The following PCBP2 variants were observed in gnomAD, a reference collection of about 807,000 sequenced individuals.
PCBP2 encodes poly(rC)-binding protein 2.
In PCBP2, 4 loss-of-function variants were observed where a neutral mutation model predicts 50.1. The ratio of observed to expected loss-of-function variants is 0.08; its 90% CI spans 0.04 to 0.18. PCBP2 has a LOEUF of 0.18. Among genes scored for constraint, PCBP2 ranks in the 10% least tolerant of loss-of-function variants. The pLI is 1.00. For missense variants in PCBP2, 161 were observed against 474.3 expected (o/e 0.34, Z 6.14); for synonymous variants, 179 against 168.0 (o/e 1.07, Z -0.51).
At position 53,481,101 on chromosome 12, in the gene PCBP2, T is replaced by G; in HGVS notation, c.*1659T>G. On this transcript the variant is annotated 3_prime_UTR_variant, in exon 15 of 15. Transcript: ENST00000546463. ...GACAGCCCCATCTTTCTGTTGATTA[T>G]GTGGCGCATATATATATATATATGT... 1 of 600,060 alleles carries G rather than the reference T, an allele frequency of 1.7e-6. No individual in the cohort carries two copies. Among genetic ancestry groups the G allele is most frequent in the Non-Finnish European group, 2.3e-6 (1 of 444,154 alleles). The allele number at this position is 600,060 out of a possible 1,614,324, so 37.2% of individuals were successfully genotyped here.
rs924408576 is a variant in PCBP2 at position 53,459,508 on chromosome 12, G to A, written c.375+105G>A. 5.2e-6 allele frequency: 5 copies of A among 957,160 alleles called. No homozygotes were observed. In the East Asian group the frequency reaches 1.3e-4, roughly 26 times the overall value. The allele number at this position is 957,160 out of a possible 1,614,324, so 59.3% of individuals were successfully genotyped here. A position where few individuals can be genotyped will look rare whatever the true frequency, so the allele number is the denominator to read the frequency against. The stretch of plus-strand genomic sequence containing the variant: ...CAATGAGATGAAGATTTTTATTGAA[G>A]TAACAGTTCTAGAGGATTACAATGT... On this transcript the variant is annotated intron_variant, in intron 6 of 14. Transcript: ENST00000546463.
chr12:53,462,101 A>T (rs1394743063), intron 7 of PCBP2, among the ~76,000 whole-genome samples: 2 of 152,212 alleles, frequency 1.3e-5, no homozygotes, highest in Non-Finnish European at 2.9e-5. Context: ...TAGACATAAC[A>T]CTTGAGTACT....
At chr12:53,477,682 A>C (rs1392163590) in intron 14 of PCBP2, among the ~76,000 whole-genome samples, 4 of 150,394 alleles carry the variant, frequency 2.7e-5, no homozygotes, top group South Asian at 2.1e-4. Context: ...AAAAAAAAAA[A>C]AAAAAAAAAA....
chr12:53,479,532 G>T lies in PCBP2; in HGVS notation c.*90G>T, dbSNP rs1403861883. On this transcript the variant is annotated 3_prime_UTR_variant, in exon 15 of 15. Coordinates refer to ENST00000546463, the MANE Select transcript of PCBP2 (RefSeq NM_031989.5). The stretch of plus-strand genomic sequence containing the variant: ...GTTTCTGAACAGTCAGCGATTCCAG[G>T]TTTTAAATAGTTTGTAAATTTTCAG... 1 of 1,105,004 alleles carries T rather than the reference G, an allele frequency of 9.0e-7. No homozygotes were observed. The highest frequency in any genetic ancestry group is 1.4e-6 in the Non-Finnish European group (1 of 736,294). 68.4% of individuals were successfully genotyped at this position (1,105,004 alleles called of 1,614,324 possible). A position where few individuals can be genotyped will look rare whatever the true frequency, so the allele number is the denominator to read the frequency against.
At chr12:53,459,466 T>C in intron 6 of PCBP2, 63 bp downstream of exon 6, 2 of 1,502,138 alleles carry the variant, frequency 1.3e-6, no homozygotes, top group East Asian at 4.7e-5. Context: ...GCTCTTTGTA[T>C]GGCTAGGAAA....
chr12:53,453,211 T>TG (rs1002957244), intron 1 of PCBP2: 56 of 151,958 alleles, frequency 3.7e-4, no homozygotes, highest in African/African-American at 1.3e-3. Flanking sequence ...TGTTTTGTTT[T>TG]TTTTTTTTTT....
rs1237425728 is a variant in PCBP2, at chr12:53,480,500, C to G, written c.*1058C>G. The G allele has an allele frequency of 6.6e-6, 1 of 152,542 alleles. No individual in the cohort carries two copies. The highest frequency in any genetic ancestry group is 1.5e-5 in the Non-Finnish European group (1 of 68,064). The allele number at this position is 152,542 out of a possible 1,614,324, so 9.4% of individuals were successfully genotyped here. A position where few individuals can be genotyped will look rare whatever the true frequency, so the allele number is the denominator to read the frequency against. On this transcript the variant is annotated 3_prime_UTR_variant, in exon 15 of 15. Transcript: ENST00000546463. ...AGAAAACCCTCAACAGCTGGGCCTG[C>G]ATGGAGTGTTATATTTCAAGGTTTT...
intron 5 of PCBP2, among the ~76,000 whole-genome samples, chr12:53,458,593 C>T (rs559798729): frequency 9.9e-5 from 15 of 151,720 alleles, no homozygotes; most frequent in African/African-American, 2.2e-4. Context: ...AGGCATGAGC[C>T]GCCGTGCCCG....
intron 6 of PCBP2, 56 bp from the exon 7 acceptor site, chr12:53,460,959 A>C (rs557418145): frequency 6.3e-7 from 1 of 1,589,286 alleles, no homozygotes; most frequent in South Asian, 1.1e-5. Flanking sequence ...CTGCTGGAGG[A>C]ATTGGAAGAG....
At chr12:53,462,813 GTTGAA>G (rs1941544493) in intron 8 of PCBP2, among the ~76,000 whole-genome samples, 1 of 152,146 alleles carries the variant, frequency 6.6e-6, no homozygotes. Flanking sequence ...GAATATAAGA[GTTGAA>G]TTGACTTACT....
chr12:53,470,378 C>CAA lies in PCBP2; in HGVS notation c.883-1237_883-1236dup, dbSNP rs754350790. 4.4e-3 allele frequency among the ~76,000 whole-genome samples: 206 copies of CAA among 47,204 alleles called. 4 individuals carry two copies. The highest frequency in any genetic ancestry group is 0.025 in the South Asian group (18 of 720). The allele number at this position is 47,204 out of a possible 152,430, so 31.0% of individuals were successfully genotyped here. ...GGCAACAGACCAAGACTCCGTCTCTCAAAAAAAAAAAAAAAAAAAAAAAAG... is the reference window on the plus strand; with the variant it reads ...GGCAACAGACCAAGACTCCGTCTCTCAAAAAAAAAAAAAAAAAAAAAAAAAAG... On this transcript the variant is annotated intron_variant, in intron 13 of 14. Coordinates refer to ENST00000546463, the MANE Select transcript of PCBP2 (RefSeq NM_031989.5).
chr12:53,455,555 A>G (rs544547279), intron 4 of PCBP2, 62 bp downstream of exon 4: 2 of 1,558,228 alleles, frequency 1.3e-6, no homozygotes, highest in South Asian at 2.3e-5. Flanking sequence ...AAACAAGTGA[A>G]AATTCTTTTT....
intron 14 of PCBP2, chr12:53,475,150 C>G: frequency 2.2e-6 from 1 of 456,574 alleles, no homozygotes; most frequent in South Asian, 1.5e-5. Context: ...ACCACCACCA[C>G]CACCTCTGCC....
At chr12:53,472,810 C>A (rs906152646) in intron 14 of PCBP2, among the ~76,000 whole-genome samples, 1 of 152,142 alleles carries the variant, frequency 6.6e-6, no homozygotes, top group Non-Finnish European at 1.5e-5. Context: ...AGCAGTCTGA[C>A]TTTTGCCTTA....
intron 6 of PCBP2, chr12:53,459,855 G>T (rs977691643): frequency 6.6e-6 from 3 of 454,064 alleles, no homozygotes; most frequent in African/African-American, 6.0e-5. Context: ...GACCTTCCCA[G>T]CCTCAGGCGA....
intron 10 of PCBP2, 60 bp downstream of exon 10, chr12:53,466,033 A>AC (rs1460686377): frequency 7.0e-7 from 1 of 1,436,666 alleles, no homozygotes. Context: ...AAATTGTCTC[A>AC]CTCCTCTCTC....
chr12:53,468,071 TTGAG>T (rs1941941160), intron 12 of PCBP2: 2 of 528,532 alleles, frequency 3.8e-6, no homozygotes, highest in South Asian at 5.7e-5. Context: ...AGGACTAAGC[TTGAG>T]TGTTAGCCAG....
At chr12:53,478,363 C>T (rs559112438) in intron 14 of PCBP2, among the ~76,000 whole-genome samples, 1 of 152,052 alleles carries the variant, frequency 6.6e-6, no homozygotes, top group Admixed American at 6.5e-5. Flanking sequence ...CAAAAATTAG[C>T]TGGGCATGGT....
chr12:53,454,178 T>C (rs1457534907), intron 1 of PCBP2, among the ~76,000 whole-genome samples: 2 of 152,236 alleles, frequency 1.3e-5, no homozygotes, highest in Non-Finnish European at 2.9e-5. Flanking sequence ...GGTGTTGATC[T>C]AAATCTTTTA....
Sources: gnomAD v4.1 joint callset for allele counts (sites outside exome capture counted in the v4.1 genomes callset) on GRCh38, gnomAD v4.1.1 for gene constraint, MANE v1.5 for transcripts, NCBI Gene and HGNC (gene_info 2026-07-23, HGNC 2026-07-21) for gene names.